Variants in CLVS1 observed in about 807,000 individuals in gnomAD.
CLVS1 encodes the protein clavesin 1, also known as clavesin-1.
Under a neutral mutation model 33.1 loss-of-function variants are expected in CLVS1, and 10 were observed. That is an observed-to-expected ratio of 0.30 (90% confidence interval 0.19 to 0.51). The LOEUF (loss-of-function observed/expected upper bound fraction) is 0.51. Among genes scored for constraint, CLVS1 ranks in the 20% least tolerant of loss-of-function variants. The pLI is 0.97. For synonymous variants in CLVS1, 163 were observed against 166.1 expected (o/e 0.98, Z 0.14); for missense variants, 343 against 433.4 (o/e 0.79, Z 1.85).
chr8:61,414,519 T>C (rs1253999217), intron 3 of CLVS1, among the ~76,000 whole-genome samples: 3 of 152,138 alleles, frequency 2.0e-5, no homozygotes, highest in Non-Finnish European at 2.9e-5. Flanking sequence ...AAAGATGTAT[T>C]GTGACCTGCC....
chr8:60,981,788 G>A, the CLVS1 span, among the ~76,000 whole-genome samples: 10 of 152,340 alleles, frequency 6.6e-5, no homozygotes, highest in East Asian at 9.6e-4. Context: ...CCGGGAGGCC[G>A]AGGATGGCAA....
At chr8:61,396,551 A>G (rs947997142) in intron 3 of CLVS1, among the ~76,000 whole-genome samples, 9 of 152,210 alleles carry the variant, frequency 5.9e-5, no homozygotes, top group African/African-American at 2.2e-4. Context: ...TTCATATGCC[A>G]TGTAAGACAC....
chr8:61,219,099 G>T (rs370769455), intron 2 of CLVS1, among the ~76,000 whole-genome samples: 7 of 152,310 alleles, frequency 4.6e-5, no homozygotes, highest in African/African-American at 1.7e-4. Context: ...AGAGTAGTGG[G>T]AAGCTTAGCT....
At chr8:61,274,991 G>T (rs1420518442) in intron 2 of CLVS1, among the ~76,000 whole-genome samples, 2 of 151,970 alleles carry the variant, frequency 1.3e-5, no homozygotes, top group Admixed American at 1.3e-4. Flanking sequence ...TTTTAAAGGT[G>T]CCCAATTTGC....
chr8:61,294,227 G>A (rs1299132602), intron 1 of CLVS1, among the ~76,000 whole-genome samples: 3 of 152,034 alleles, frequency 2.0e-5, no homozygotes. Context: ...GCAGAGTCTT[G>A]GACAAAACGT....
chr8:60,976,528 C>A, the CLVS1 span, among the ~76,000 whole-genome samples: 1 of 152,108 alleles, frequency 6.6e-6, no homozygotes, highest in Non-Finnish European at 1.5e-5. Context: ...TGCTGTCTAT[C>A]TTGTTTCTAA....
At chr8:61,235,905 G>T (rs1808547112) in intron 2 of CLVS1, among the ~76,000 whole-genome samples, 1 of 152,188 alleles carries the variant, frequency 6.6e-6, no homozygotes, top group African/African-American at 2.4e-5. Context: ...GAGCCCTGTG[G>T]ACAAGAGCAG....
In CLVS1 at chr8:61,391,382, C is replaced by T. The variant is rs572125007; in HGVS notation, c.630+14603C>T. The stretch of plus-strand genomic sequence containing the variant: ...ACTCCCAGGATGGGATGAAGATTAA[C>T]TTGATGTTTCTTTGGGACCACCTGG... On this transcript the variant is annotated intron_variant, in intron 3 of 5. Coordinates refer to ENST00000325897, the MANE Select transcript of CLVS1 (RefSeq NM_173519.3). 1.2e-4 allele frequency among the ~76,000 whole-genome samples: 19 copies of T among 152,242 alleles called. No individual in the cohort carries two copies. In the South Asian group the frequency reaches 2.3e-3, roughly 18 times the overall value.
rs1804556056 is a variant in CLVS1, at chr8:61,500,182, G to GCTGA, written c.*644_*647dup. 1 of 152,680 alleles carries GCTGA rather than the reference G, an allele frequency of 6.5e-6. No homozygotes were observed. The highest frequency in any genetic ancestry group is 1.9e-4 in the East Asian group (1 of 5,186). 9.5% of individuals were successfully genotyped at this position (152,680 alleles called of 1,614,324 possible). ...TGTCACATCTCTTGTCAGGTCACTA[G>GCTGA]CTGACTGTCATGAGCTGACGTTAAA... On this transcript the variant is annotated 3_prime_UTR_variant, in exon 6 of 6. Transcript: ENST00000325897.
chr8:61,149,209 T>C (rs1806474771), intron 2 of CLVS1, among the ~76,000 whole-genome samples: 1 of 151,394 alleles, frequency 6.6e-6, no homozygotes, highest in Non-Finnish European at 1.5e-5. Flanking sequence ...ACTAAAAAAA[T>C]AGTTGAAAGA....
At chr8:61,133,127 G>A (rs867041230) in intron 2 of CLVS1, among the ~76,000 whole-genome samples, 1 of 152,220 alleles carries the variant, frequency 6.6e-6, no homozygotes, top group African/African-American at 2.4e-5. Flanking sequence ...CAGATGCTCT[G>A]CCTGGTGGGG....
chr8:61,365,294 G>A lies in CLVS1; in HGVS notation c.456-11311G>A, dbSNP rs537594354. Among the ~76,000 whole-genome samples the A allele has an allele frequency of 1.2e-4, 19 of 152,218 alleles. 1 individual carries two copies. Among genetic ancestry groups the A allele is most frequent in the South Asian group, 2.1e-4 (1 of 4,818 alleles). On this transcript the variant is annotated intron_variant, in intron 2 of 5. Coordinates refer to ENST00000325897, the MANE Select transcript of CLVS1 (RefSeq NM_173519.3). The stretch of plus-strand genomic sequence containing the variant: ...TGTAATCCCAGTACTTTGGGAGGCC[G>A]AGGCGGGCGGATCACCTGGGTCAGG...
chr8:61,261,417 G>A (rs544969385), intron 2 of CLVS1, among the ~76,000 whole-genome samples: 7 of 152,252 alleles, frequency 4.6e-5, no homozygotes, highest in African/African-American at 9.6e-5. Flanking sequence ...AGTGCAAGAG[G>A]GTCCCCTGTT....
chr8:61,019,733 T>G, the CLVS1 span, among the ~76,000 whole-genome samples: 1 of 152,144 alleles, frequency 6.6e-6, no homozygotes, highest in Non-Finnish European at 1.5e-5. Context: ...AAACATATCA[T>G]CATCCATGTA....
intron 1 of CLVS1, among the ~76,000 whole-genome samples, chr8:61,130,270 A>AAAG (rs1806068364): frequency 6.7e-6 from 1 of 148,680 alleles, no homozygotes; most frequent in African/African-American, 2.4e-5. Context: ...TAAATAAATA[A>AAAG]ATAAATATAA....
Position 61,217,434 on chromosome 8 carries a change from T to A in CLVS1, c.-151-82243T>A, listed in dbSNP as rs937801424. 3.9e-5 allele frequency among the ~76,000 whole-genome samples: 6 copies of A among 152,310 alleles called. No individual in the cohort carries two copies. In the East Asian group the frequency reaches 1.2e-3, roughly 29 times the overall value. On this transcript the variant is annotated intron_variant, in intron 2 of 2. Transcript: ENST00000522621. ...TCTAAAATGTCAATGCTATGGATAT[T>A]GTATTTTGGATCAAAGGTATGTCTC...
intron 2 of CLVS1, among the ~76,000 whole-genome samples, chr8:61,140,743 T>C (rs946485846): frequency 2.6e-5 from 4 of 152,022 alleles, no homozygotes; most frequent in Non-Finnish European, 4.4e-5. Context: ...TTTTTTTGTA[T>C]TTTTAGTAGA....
chr8:61,451,809 A>T (rs1816967976), intron 3 of CLVS1, among the ~76,000 whole-genome samples: 1 of 143,908 alleles, frequency 6.9e-6, no homozygotes, highest in East Asian at 2.0e-4. Context: ...ACACACACAC[A>T]CACAGAGAGA....
At chr8:60,995,457 A>G in the CLVS1 span, among the ~76,000 whole-genome samples, 10 of 149,656 alleles carry the variant, frequency 6.7e-5, no homozygotes, top group Admixed American at 2.7e-4. Flanking sequence ...CAAAACCACA[A>G]TGAGATACCA....
Sources: gnomAD v4.1 joint callset for allele counts (sites outside exome capture counted in the v4.1 genomes callset) on GRCh38, gnomAD v4.1.1 for gene constraint, MANE v1.5 for transcripts, NCBI Gene and HGNC (gene_info 2026-07-23, HGNC 2026-07-21) for gene names.